The following ECPAS variants were observed in gnomAD, a reference collection of about 807,000 sequenced individuals.
The protein encoded by ECPAS is proteasome adapter and scaffold protein ECM29.
ECPAS carries 70 observed loss-of-function variants against 255.1 expected under a neutral mutation model. That is an observed-to-expected ratio of 0.27 (90% CI 0.23 to 0.33). The LOEUF is 0.33. ECPAS is among the 10% of genes least tolerant of loss of function. The pLI is 1.00. For synonymous variants in ECPAS, 784 were observed against 775.0 expected (o/e 1.01, Z -0.19); for missense variants, 1,817 against 2,206.4 (o/e 0.82, Z 3.54).
intron 12 of ECPAS, 26 bp from the exon 13 acceptor site, chr9:111,423,274 GA>G: frequency 6.7e-7 from 1 of 1,491,610 alleles, no homozygotes; most frequent in African/African-American, 1.4e-5. Context: ...AGAAAAGAAA[GA>G]AAAGAAAGAA....
At chr9:111,402,799 A>C (rs938712749) in intron 24 of ECPAS, among the ~76,000 whole-genome samples, 1 of 152,194 alleles carries the variant, frequency 6.6e-6, no homozygotes. Flanking sequence ...GGGAAACCAC[A>C]ACTCAAAAAA....
At chr9:111,476,767 A>C (rs1186345342) in intron 1 of ECPAS, among the ~76,000 whole-genome samples, 1 of 151,948 alleles carries the variant, frequency 6.6e-6, no homozygotes. Context: ...GGTTCAAGTG[A>C]TTCTCCTGCC....
intron 2 of ECPAS, among the ~76,000 whole-genome samples, chr9:111,459,366 C>T (rs2132009644): frequency 6.6e-6 from 1 of 152,218 alleles, no homozygotes; most frequent in South Asian, 2.1e-4. Context: ...GCTGGAATTA[C>T]AGGTATGAGC....
Position 111,411,089 on chromosome 9 carries a change from C to A in ECPAS, c.2268G>T (p.Arg756Ser). 1 of 1,613,778 alleles carries A rather than the reference C, an allele frequency of 6.2e-7. No individual in the cohort carries two copies. Among genetic ancestry groups the A allele is most frequent in the Non-Finnish European group, 8.5e-7 (1 of 1,179,834 alleles). Reference protein sequence around the residue: ...SLLALGFTVGRYLAKKKMRMS... With the variant: ...SLLALGFTVGSYLAKKKMRMS... ...TTCTCATTTTCTTTTTAGCCAAATA[C>A]CTTCCCACCGTGAATCCCAATGCAA... is the stretch of plus-strand genomic sequence containing the variant. The change falls in exon 22 of 50, where the codon AGG (arginine) becomes AGT (serine). Residue 756 changes from arginine (R) to serine (S), a missense_variant. This residue lies in a region of ECPAS where 194 missense variants were observed against 152.8 expected (regional missense o/e 1.27). Coordinates refer to ENST00000684092, the MANE Select transcript of ECPAS (RefSeq NM_001364929.1).
intron 12 of ECPAS, 40 bp from the exon 13 acceptor site, chr9:111,423,288 A>G: frequency 7.3e-7 from 1 of 1,376,340 alleles, no homozygotes. Flanking sequence ...AGAAAGAACA[A>G]AAAACAGACA....
rs971039407 is a variant in ECPAS at position 111,376,922 on chromosome 9, T to C, written c.3955-381A>G. Reference sequence around the variant, plus strand: ...AGAAAATTTTATACGTGCAGTTCTTTAACTTTGTAATTACCCTTCGTATCT... The same window carrying C: ...AGAAAATTTTATACGTGCAGTTCTTCAACTTTGTAATTACCCTTCGTATCT... On this transcript the variant is annotated intron_variant, in intron 36 of 49. Coordinates refer to ENST00000684092, the MANE Select transcript of ECPAS (RefSeq NM_001364929.1). Among the ~76,000 whole-genome samples, 9 of 152,230 alleles carry C rather than the reference T, an allele frequency of 5.9e-5. 1 individual carries two copies. The highest frequency in any genetic ancestry group is 1.0e-4 in the Non-Finnish European group (7 of 68,032).
Position 111,472,954 on chromosome 9 carries a change from C to A in ECPAS, c.-36G>T. 1 of 1,239,274 alleles carries A rather than the reference C, an allele frequency of 8.1e-7. No homozygotes were observed. Among genetic ancestry groups the A allele is most frequent in the Non-Finnish European group, 1.0e-6 (1 of 964,864 alleles). 76.8% of individuals were successfully genotyped at this position (1,239,274 alleles called of 1,614,324 possible). A position where few individuals can be genotyped will look rare whatever the true frequency, so the allele number is the denominator to read the frequency against. On this transcript the variant is annotated 5_prime_UTR_variant, in exon 2 of 50. Coordinates refer to ENST00000684092, the MANE Select transcript of ECPAS (RefSeq NM_001364929.1). ...ATCTTGACAAAAATCCTCGGGATCA[C>A]CAATGGTACGTTCATCCACTCGTAC...
At chr9:111,423,876 T>C (rs1181912578) in intron 12 of ECPAS, among the ~76,000 whole-genome samples, 4 of 152,258 alleles carry the variant, frequency 2.6e-5, no homozygotes, top group Non-Finnish European at 5.9e-5. Flanking sequence ...AATAAACTTC[T>C]ACCAGTTAAA....
chr9:111,475,360 G>T (rs2098294856), intron 1 of ECPAS, among the ~76,000 whole-genome samples: 1 of 152,178 alleles, frequency 6.6e-6, no homozygotes, highest in Non-Finnish European at 1.5e-5. Flanking sequence ...TTCTGAACAA[G>T]GTCAATGCTC....
intron 7 of ECPAS, among the ~76,000 whole-genome samples, chr9:111,435,958 G>A (rs1434653991): frequency 6.7e-6 from 1 of 149,540 alleles, no homozygotes; most frequent in Admixed American, 6.6e-5. Flanking sequence ...AAAGTGCTGG[G>A]ATTACAGGCA....
chr9:111,377,342 T>G (rs1463221992), intron 36 of ECPAS, among the ~76,000 whole-genome samples: 1 of 151,928 alleles, frequency 6.6e-6, no homozygotes, highest in Non-Finnish European at 1.5e-5. Context: ...ACATGGAACA[T>G]AAACACAATC....
intron 2 of ECPAS, among the ~76,000 whole-genome samples, chr9:111,462,298 A>G (rs973787524): frequency 2.0e-5 from 3 of 152,206 alleles, no homozygotes; most frequent in Non-Finnish European, 4.4e-5. Context: ...ACCGTCACTG[A>G]AAGAAACTTT....
chr9:111,438,971 T>C (rs1017941437), intron 6 of ECPAS, among the ~76,000 whole-genome samples: 2 of 152,174 alleles, frequency 1.3e-5, no homozygotes, highest in African/African-American at 4.8e-5. Context: ...AAACAGCATT[T>C]TGGAAAAATT....
chr9:111,469,406 C>G (rs527448137), intron 2 of ECPAS, among the ~76,000 whole-genome samples: 1 of 151,590 alleles, frequency 6.6e-6, no homozygotes, highest in South Asian at 2.1e-4. Flanking sequence ...TGGTGACGGG[C>G]GCCTGCAATC....
intron 37 of ECPAS, 79 bp from the exon 38 acceptor site, chr9:111,375,281 T>C (rs1487793485): frequency 2.0e-6 from 2 of 985,444 alleles, no homozygotes; most frequent in East Asian, 4.9e-5. Context: ...ACTGCCCTTG[T>C]CAAACGTGTA....
chr9:111,406,986 T>C (rs1052473798), intron 24 of ECPAS, among the ~76,000 whole-genome samples: 1 of 149,578 alleles, frequency 6.7e-6, no homozygotes, highest in African/African-American at 2.5e-5. Context: ...ATGCTTTTCA[T>C]TATTCTCATC....
intron 2 of ECPAS, among the ~76,000 whole-genome samples, chr9:111,456,485 T>A (rs910913768): frequency 6.6e-6 from 1 of 152,208 alleles, no homozygotes; most frequent in Non-Finnish European, 1.5e-5. Flanking sequence ...ATACTGTACA[T>A]ACTACACCTT....
chr9:111,409,564 CAA>C (rs572633314), intron 23 of ECPAS, among the ~76,000 whole-genome samples: 1 of 127,570 alleles, frequency 7.8e-6, no homozygotes, highest in Non-Finnish European at 1.7e-5. Flanking sequence ...AACTCCATCT[CAA>C]AAAAAAAAAA....
intron 21 of ECPAS, 114 bp downstream of exon 21, chr9:111,411,900 A>C (rs2098195131): frequency 1.0e-6 from 1 of 964,556 alleles, no homozygotes; most frequent in Admixed American, 3.6e-5. Flanking sequence ...TGGTCATAAA[A>C]GCAAGGAATT....
Sources: allele counts gnomAD v4.1 joint callset (sites outside exome capture counted in the v4.1 genomes callset), GRCh38; gene constraint gnomAD v4.1.1; regional missense constraint gnomAD v4.1.1; transcripts MANE v1.5; gene names NCBI Gene and HGNC (gene_info 2026-07-23, HGNC 2026-07-21).